Variants in COL11A1 observed in about 807,000 individuals in gnomAD.
COL11A1 encodes the protein collagen type XI alpha 1 chain, also known as collagen alpha-1(XI) chain.
In COL11A1, 74 loss-of-function variants were observed where a neutral mutation model predicts 265.2. The observed-to-expected ratio is 0.28, with a 90% confidence interval of 0.23 to 0.34. The LOEUF is 0.34. COL11A1 is among the 10% of genes least tolerant of loss of function. The pLI, the probability that COL11A1 is intolerant of heterozygous loss-of-function variation, is 1.00. For missense variants in COL11A1, 2,165 were observed against 2,263.6 expected, an observed-to-expected ratio of 0.96 and a Z score of 0.88; for synonymous variants, 816 against 727.6, an observed-to-expected ratio of 1.12 and a Z score of -1.96.
chr1:102,950,426 TC>T (rs1659763446), intron 41 of COL11A1, among the ~76,000 whole-genome samples: 1 of 152,312 alleles, frequency 6.6e-6, no homozygotes, highest in South Asian at 2.1e-4. Context: ...CTGCCTTCAC[TC>T]CTTATTTCAG....
chr1:103,009,141 T>C lies in COL11A1; in HGVS notation c.1630-625A>G, dbSNP rs138857442. ...ACATAATTAAGAAGGTGACCAGGCA[T>C]GGTGGCTCACGCCTGTAATCCCAGC... On this transcript the variant is annotated intron_variant, in intron 14 of 66. Coordinates refer to ENST00000370096, the MANE Select transcript of COL11A1 (RefSeq NM_001854.4). Among the ~76,000 whole-genome samples the C allele has an allele frequency of 8.4e-3, 1,284 of 152,208 alleles. 36 individuals carry two copies. Among genetic ancestry groups the C allele is most frequent in the Admixed American group, 0.058 (880 of 15,280 alleles).
At chr1:103,011,501 G>A (rs2101885972) in intron 14 of COL11A1, among the ~76,000 whole-genome samples, 1 of 151,766 alleles carries the variant, frequency 6.6e-6, no homozygotes, top group East Asian at 1.9e-4. Context: ...TAAATATAAG[G>A]AAATCTACAT....
intron 41 of COL11A1, among the ~76,000 whole-genome samples, chr1:102,958,355 T>G (rs906157479): frequency 6.6e-6 from 1 of 152,058 alleles, no homozygotes; most frequent in Non-Finnish European, 1.5e-5. Context: ...GGGAAACTCA[T>G]AGTAAGTTTT....
At chr1:102,923,434 T>TA (rs147848946) in intron 46 of COL11A1, 45 bp from the exon 47 acceptor site, 5,715 of 1,236,638 alleles carry the variant, frequency 4.6e-3, no homozygotes, top group Non-Finnish European at 5.1e-3. Flanking sequence ...CTGATGTCTT[T>TA]AAAAAAAAAA....
intron 48 of COL11A1, 82 bp downstream of exon 48, chr1:102,921,436 A>T (rs768061758): frequency 1.7e-6 from 2 of 1,143,670 alleles, no homozygotes. Flanking sequence ...TAATATTGTT[A>T]TAACTCACAA....
chr1:102,928,493 T>C (rs1420029787), intron 46 of COL11A1, among the ~76,000 whole-genome samples: 1 of 152,146 alleles, frequency 6.6e-6, no homozygotes, highest in African/African-American at 2.4e-5. Context: ...ATTAATCCAG[T>C]CTATCATTGT....
At chr1:103,049,849 T>C (rs948025596) in intron 4 of COL11A1, among the ~76,000 whole-genome samples, 59 of 152,172 alleles carry the variant, frequency 3.9e-4, no homozygotes, top group Admixed American at 2.0e-4. Context: ...TATTTCTCCT[T>C]CACTTATGAA....
chr1:102,910,583 T>C (rs1357880290), intron 54 of COL11A1, among the ~76,000 whole-genome samples: 1 of 152,156 alleles, frequency 6.6e-6, no homozygotes. Context: ...CATCATACTT[T>C]ATACTTGTAT....
chr1:103,107,961 CT>C (rs573192714), intron 1 of COL11A1, 111 bp downstream of exon 1: 108,324 of 584,954 alleles, frequency 0.19, 1 homozygote, highest in East Asian at 0.23. Context: ...AAGGGAATTG[CT>C]TTTTTTTTTT....
At chr1:103,088,548 A>C (rs1293528017) in intron 1 of COL11A1, among the ~76,000 whole-genome samples, 1 of 152,208 alleles carries the variant, frequency 6.6e-6, no homozygotes, top group Non-Finnish European at 1.5e-5. Flanking sequence ...ACTATATGAA[A>C]TTTCAGCTTT....
chr1:102,891,980 T>C (rs776886108), intron 57 of COL11A1, among the ~76,000 whole-genome samples: 5 of 152,104 alleles, frequency 3.3e-5, no homozygotes, highest in South Asian at 2.1e-4. Context: ...ACAGTCCTTG[T>C]GAAATTATAC....
intron 4 of COL11A1, among the ~76,000 whole-genome samples, chr1:103,053,467 C>T (rs966010522): frequency 6.6e-6 from 1 of 152,128 alleles, no homozygotes; most frequent in Non-Finnish European, 1.5e-5. Context: ...TGAGAAAATC[C>T]ATTTCAAATT....
chr1:102,931,305 T>C (rs576199442), intron 46 of COL11A1, among the ~76,000 whole-genome samples: 2,864 of 151,102 alleles, frequency 0.019, 82 homozygotes, highest in African/African-American at 0.066. Flanking sequence ...TTTGTTCTCA[T>C]TGGTTTCAAA....
intron 22 of COL11A1, 112 bp downstream of exon 22, chr1:103,002,635 A>C: frequency 1.7e-6 from 2 of 1,148,480 alleles, no homozygotes; most frequent in Non-Finnish European, 2.6e-6. Context: ...AGCTGTATCT[A>C]ATATACTTAG....
chr1:103,007,728 C>T lies in COL11A1; in HGVS notation c.1683+735G>A, dbSNP rs565361207. Among the ~76,000 whole-genome samples the T allele has an allele frequency of 6.6e-5, 10 of 151,880 alleles. No individual in the cohort carries two copies. The South Asian group carries it at 8.3e-4, about 13-fold the overall frequency. Reference sequence around the variant, plus strand: ...CAAAAAAATTTGCCGGGCATGGTGGCGCATGCCTGTAGTCCCAGCTACTTG... The same window carrying T: ...CAAAAAAATTTGCCGGGCATGGTGGTGCATGCCTGTAGTCCCAGCTACTTG... On this transcript the variant is annotated intron_variant, in intron 15 of 66. Coordinates refer to ENST00000370096, the MANE Select transcript of COL11A1 (RefSeq NM_001854.4).
chr1:102,945,118 C>T (rs1158389864), intron 42 of COL11A1, among the ~76,000 whole-genome samples: 1 of 151,994 alleles, frequency 6.6e-6, no homozygotes, highest in African/African-American at 2.4e-5. Flanking sequence ...AAACTTAATT[C>T]CCAGTGCAAC....
chr1:103,103,976 C>T (rs184389098), intron 1 of COL11A1, among the ~76,000 whole-genome samples: 80 of 152,126 alleles, frequency 5.3e-4, no homozygotes, highest in African/African-American at 1.9e-3. Flanking sequence ...TCACTCTACT[C>T]AGAAAAACCT....
chr1:103,037,890 A>C (rs976893114), intron 4 of COL11A1, among the ~76,000 whole-genome samples: 9 of 152,154 alleles, frequency 5.9e-5, no homozygotes, highest in Non-Finnish European at 1.2e-4. Context: ...TAGATATTTC[A>C]TCTCCCTAAA....
chr1:103,053,955 A>G (rs1039692958), intron 4 of COL11A1, among the ~76,000 whole-genome samples: 4 of 152,186 alleles, frequency 2.6e-5, no homozygotes, highest in African/African-American at 9.6e-5. Flanking sequence ...GAAATTCAAC[A>G]TGTTTGTGAA....
Sources: allele counts gnomAD v4.1 joint callset (sites outside exome capture counted in the v4.1 genomes callset), GRCh38; gene constraint gnomAD v4.1.1; transcripts MANE v1.5; gene names NCBI Gene and HGNC (gene_info 2026-07-23, HGNC 2026-07-21).